Variants in MAP3K5 observed in about 807,000 individuals in gnomAD.
MAP3K5 encodes ASK-1.
Under a neutral mutation model 158.7 loss-of-function variants are expected in MAP3K5, and 56 were observed. That is an observed-to-expected ratio of 0.35 (90% CI 0.28 to 0.44). The LOEUF (loss-of-function observed/expected upper bound fraction) is 0.44, where lower values mean the gene tolerates loss of function less well. Among genes scored for constraint, MAP3K5 ranks in the 20% least tolerant of loss-of-function variants. The pLI is 1.00. For synonymous variants in MAP3K5, 579 were observed against 601.7 expected, an observed-to-expected ratio of 0.96 and a Z score of 0.55; for missense variants, 1,294 against 1,674.8, an observed-to-expected ratio of 0.77 and a Z score of 3.97.
At chr6:136,725,518 A>G (rs938553658) in intron 1 of MAP3K5, among the ~76,000 whole-genome samples, 1 of 152,188 alleles carries the variant, frequency 6.6e-6, no homozygotes, top group Non-Finnish European at 1.5e-5. Flanking sequence ...TTAAGTACTC[A>G]ATGCTTTTGC....
intron 2 of MAP3K5, among the ~76,000 whole-genome samples, chr6:136,716,923 C>T (rs1340643188): frequency 2.0e-5 from 3 of 151,884 alleles, no homozygotes; most frequent in Non-Finnish European, 2.9e-5. Flanking sequence ...TTTGGGGGGC[C>T]GAGGTGGGCA....
Position 136,574,867 on chromosome 6 carries a change from C to T in MAP3K5, c.3517+5434G>A, listed in dbSNP as rs371402543. 2.2e-4 allele frequency among the ~76,000 whole-genome samples: 33 copies of T among 151,646 alleles called. No individual in the cohort carries two copies. The South Asian group carries it at 6.5e-3, about 30-fold the overall frequency. ...ACCTCGCCCGGCTAATTTTTTGTAT[C>T]TTTAGTAGAGATGGGGTTTCACTGT... On this transcript the variant is annotated intron_variant, in intron 25 of 29. Transcript: ENST00000359015.
chr6:136,660,112 TTAAA>T (rs1395943462), intron 8 of MAP3K5, among the ~76,000 whole-genome samples: 2 of 152,210 alleles, frequency 1.3e-5, no homozygotes, highest in Non-Finnish European at 2.9e-5. Flanking sequence ...ACATGGATTC[TTAAA>T]TAACTTAAAA....
At chr6:136,585,788 A>T (rs1263431011) in intron 23 of MAP3K5, among the ~76,000 whole-genome samples, 2 of 152,208 alleles carry the variant, frequency 1.3e-5, no homozygotes, top group African/African-American at 4.8e-5. Context: ...CTGGGACTAT[A>T]GGCATGAGCC....
intron 8 of MAP3K5, among the ~76,000 whole-genome samples, chr6:136,665,154 AT>A (rs1317636984): frequency 8.6e-5 from 13 of 151,984 alleles, no homozygotes; most frequent in East Asian, 1.9e-4. Flanking sequence ...TAAAATGTAA[AT>A]TTTTTTTAAA....
chr6:136,592,090 A>G, intron 23 of MAP3K5, 83 bp downstream of exon 23: 1 of 1,322,778 alleles, frequency 7.6e-7, no homozygotes, highest in Non-Finnish European at 1.0e-6. Context: ...TGCCTTTCAC[A>G]TCATCTGTGA....
chr6:136,743,778 A>G lies in MAP3K5; in HGVS notation c.449-23189T>C, dbSNP rs148515622. Among the ~76,000 whole-genome samples, 482 of 152,356 alleles carry G rather than the reference A, an allele frequency of 3.2e-3. 5 individuals carry two copies. Among genetic ancestry groups the G allele is most frequent in the South Asian group, 0.018 (89 of 4,830 alleles). ...TTATTCATAATTGCTAAAACTTGGA[A>G]GCAACCAAGATGTCTTTCAGGATGT... On this transcript the variant is annotated intron_variant, in intron 1 of 29. Coordinates refer to ENST00000359015, the MANE Select transcript of MAP3K5 (RefSeq NM_005923.4).
At chr6:136,688,280 G>A (rs1476903337) in intron 7 of MAP3K5, among the ~76,000 whole-genome samples, 1 of 152,142 alleles carries the variant, frequency 6.6e-6, no homozygotes, top group Non-Finnish European at 1.5e-5. Context: ...TGGGTAGGGG[G>A]CTAGGGGAGG....
rs77246497 is a variant in MAP3K5, at chr6:136,637,426, G to A, written c.1935-20C>T. ...AAAAACCTACAATACAAGTTAGCACGTGAGCATTCATAACACAAACAATAG... is the reference window on the plus strand; with the variant it reads ...AAAAACCTACAATACAAGTTAGCACATGAGCATTCATAACACAAACAATAG... On this transcript the variant is annotated intron_variant, in intron 13 of 29. Coordinates refer to ENST00000359015, the MANE Select transcript of MAP3K5 (RefSeq NM_005923.4). The A allele has an allele frequency of 1.5e-3, 2,101 of 1,366,418 alleles. 4 individuals are homozygous for A. Among genetic ancestry groups the A allele is most frequent in the Non-Finnish European group, 2.0e-3 (1,904 of 954,052 alleles). The allele number at this position is 1,366,418 out of a possible 1,614,324, so 84.6% of individuals were successfully genotyped here.
chr6:136,752,565 C>CCA (rs1307060850), intron 1 of MAP3K5, among the ~76,000 whole-genome samples: 1 of 152,226 alleles, frequency 6.6e-6, no homozygotes, highest in Non-Finnish European at 1.5e-5. Flanking sequence ...GCGCGTGCCA[C>CCA]CACACCCAGC....
rs190208263 is a variant in MAP3K5, at chr6:136,664,829, G to C, written c.1366+4454C>G. ...ACCTGTAATCCCAGCTACTTAGAAGGCTGCAGCATGAGAATCGCTTGAACC... is the reference window on the plus strand; with the variant it reads ...ACCTGTAATCCCAGCTACTTAGAAGCCTGCAGCATGAGAATCGCTTGAACC... On this transcript the variant is annotated intron_variant, in intron 8 of 29. Coordinates refer to ENST00000359015, the MANE Select transcript of MAP3K5 (RefSeq NM_005923.4). Among the ~76,000 whole-genome samples the C allele has an allele frequency of 8.5e-5, 13 of 152,294 alleles. No homozygotes were observed. In the East Asian group the frequency reaches 2.5e-3, roughly 29 times the overall value.
intron 11 of MAP3K5, among the ~76,000 whole-genome samples, chr6:136,646,162 T>C (rs1778245247): frequency 6.6e-6 from 1 of 152,156 alleles, no homozygotes; most frequent in Non-Finnish European, 1.5e-5. Flanking sequence ...TGGAAACTGA[T>C]ACAAGAAAGC....
intron 4 of MAP3K5, among the ~76,000 whole-genome samples, 189 bp from the exon 5 acceptor site, chr6:136,697,576 T>A (rs1378007167): frequency 6.7e-6 from 1 of 150,200 alleles, no homozygotes; most frequent in Non-Finnish European, 1.5e-5. Flanking sequence ...GAAGCCAATG[T>A]ATTTCTTTTA....
chr6:136,762,978 T>G (rs1387481564), intron 1 of MAP3K5, among the ~76,000 whole-genome samples: 1 of 152,202 alleles, frequency 6.6e-6, no homozygotes, highest in African/African-American at 2.4e-5. Flanking sequence ...ATTATGTATC[T>G]TTTATTTACT....
At chr6:136,676,986 T>A (rs1779731820) in intron 7 of MAP3K5, among the ~76,000 whole-genome samples, 1 of 150,536 alleles carries the variant, frequency 6.6e-6, no homozygotes, top group South Asian at 2.1e-4. Context: ...GAGACAAGGT[T>A]TCACTGTGTT....
chr6:136,721,001 A>T (rs1015680622), intron 1 of MAP3K5, among the ~76,000 whole-genome samples: 6 of 151,796 alleles, frequency 4.0e-5, no homozygotes, highest in Non-Finnish European at 8.8e-5. Flanking sequence ...TTGAACTCAA[A>T]CTCCCGGCCT....
intron 1 of MAP3K5, among the ~76,000 whole-genome samples, chr6:136,770,931 A>T (rs75544440): frequency 0.082 from 12,477 of 152,268 alleles, 1,041 homozygotes; most frequent in African/African-American, 0.21. Flanking sequence ...AAACAAAGGG[A>T]TAATATTCTT....
chr6:136,791,869 T>C lies in MAP3K5; in HGVS notation c.289A>G (p.Ile97Val). ...AGTTGCCCTTGGCTCGCTTCGTTGATCACATATGCCACCGTGGTCCGTCGG... is the reference window on the plus strand; with the variant it reads ...AGTTGCCCTTGGCTCGCTTCGTTGACCACATATGCCACCGTGGTCCGTCGG... ...GSRRTTVAYV[I>V]NEASQGQLVV... Residue 97 changes from isoleucine to valine, a missense_variant, in exon 1 of 30, where the codon ATC becomes GTC. Ile to Val is a conservative substitution (Grantham distance 29, BLOSUM62 3). Coordinates refer to ENST00000359015, the MANE Select transcript of MAP3K5 (RefSeq NM_005923.4). 4 of 1,613,626 alleles carry C rather than the reference T, an allele frequency of 2.5e-6. No individual in the cohort carries two copies. Among genetic ancestry groups the C allele is most frequent in the Non-Finnish European group, 3.4e-6 (4 of 1,179,984 alleles).
In MAP3K5 at chr6:136,771,968, G is replaced by A. The variant is rs60696361; in HGVS notation, c.448+19742C>T. Among the ~76,000 whole-genome samples, 33 of 151,618 alleles carry A rather than the reference G, an allele frequency of 2.2e-4. No homozygotes were observed. The East Asian group carries it at 6.4e-3, about 30-fold the overall frequency. ...ACAGTCTTGCTCCATCACTCAGGCT[G>A]GAGTGCAGTGGCTCACTGCAACCTC... On this transcript the variant is annotated intron_variant, in intron 1 of 29. Transcript: ENST00000359015.
Sources: gnomAD v4.1 joint callset for allele counts (sites outside exome capture counted in the v4.1 genomes callset) on GRCh38, gnomAD v4.1.1 for gene constraint, MANE v1.5 for transcripts, NCBI Gene and HGNC (gene_info 2026-07-23, HGNC 2026-07-21) for gene names.